PRELP: variants seen among roughly 807,000 people sequenced by gnomAD.
PRELP encodes the protein prolargin.
In PRELP, 16 loss-of-function variants were observed where a neutral mutation model predicts 22.8. That is an observed-to-expected ratio of 0.70 (90% CI 0.47 to 1.06). The LOEUF (loss-of-function observed/expected upper bound fraction) is 1.06. Among genes scored for constraint, PRELP ranks in the 50% least tolerant of loss-of-function variants. The pLI, the probability that PRELP is intolerant of heterozygous loss-of-function variation, is 0.00. For synonymous variants in PRELP, 233 were observed against 211.4 expected (o/e 1.10, Z -0.89); for missense variants, 434 against 485.2 (o/e 0.89, Z 0.99).
chr1:203,485,111 G>A (rs762216463), intron 2 of PRELP, among the ~76,000 whole-genome samples: 10 of 151,128 alleles, frequency 6.6e-5, no homozygotes, highest in Admixed American at 3.3e-4. Flanking sequence ...CGAATAGATC[G>A]TTCACTCATT....
chr1:203,486,732 A>C lies in PRELP; in HGVS notation c.1000A>C (p.Asn334His). The change falls in exon 3 of 3, where the codon AAC (asparagine) becomes CAC (histidine). Residue 334 changes from asparagine to histidine, a missense_variant. Asn to His is a moderately conservative substitution (Grantham distance 68). Coordinates refer to ENST00000343110, the MANE Select transcript of PRELP (RefSeq NM_002725.4). ...AATCAACGGAACCCAGATTTGCCCC[A>C]ACGACCTAGTGGCGTTCCATGACTT... ...EKINGTQICP[N>H]DLVAFHDFSS... 6.2e-7 allele frequency: 1 copy of C among 1,612,934 alleles called. No individual in the cohort carries two copies. Among genetic ancestry groups the C allele is most frequent in the Non-Finnish European group, 8.5e-7 (1 of 1,179,020 alleles).
chr1:203,477,736 G>A (rs890284464), intron 1 of PRELP, among the ~76,000 whole-genome samples: 1 of 152,080 alleles, frequency 6.6e-6, no homozygotes, highest in African/African-American at 2.4e-5. Flanking sequence ...AAAAAGCTGG[G>A]AGAAGTCAAG....
At chr1:203,484,284 T>A in intron 2 of PRELP, 127 bp downstream of exon 2, 1 of 1,384,440 alleles carries the variant, frequency 7.2e-7, no homozygotes, top group Non-Finnish European at 9.6e-7. Flanking sequence ...GGACTTCAAT[T>A]CATGGCCTTG....
chr1:203,483,472 G>A lies in PRELP; in HGVS notation c.288G>A (p.Lys96=). 6.2e-7 allele frequency: 1 copy of A among 1,614,214 alleles called. No homozygotes were observed. The highest frequency in any genetic ancestry group is 2.2e-5 in the East Asian group (1 of 44,874). ...ACTGTGATAGCCGCAACCTGCGAAA[G>A]GTCCCTGTCATCCCGCCCCGCATCC... ...ALYCDSRNLR[K]VPVIPPRIHY... is the part of the protein sequence containing the mutation. Residue 96 remains lysine (K), a synonymous_variant, in exon 2 of 3, where the codon AAG becomes AAA. Coordinates refer to ENST00000343110, the MANE Select transcript of PRELP (RefSeq NM_002725.4). The surrounding 1 kb of genome is among the most constrained non-coding windows in gnomAD (Gnocchi z 4.4).
chr1:203,486,071 T>C (rs773725981), intron 2 of PRELP, among the ~76,000 whole-genome samples: 1 of 152,206 alleles, frequency 6.6e-6, no homozygotes, highest in South Asian at 2.1e-4. Context: ...GATCTCACCT[T>C]ACTCCATTGC....
At chr1:203,481,577 C>G (rs1183547032) in intron 1 of PRELP, among the ~76,000 whole-genome samples, 1 of 152,236 alleles carries the variant, frequency 6.6e-6, no homozygotes, top group East Asian at 1.9e-4. Flanking sequence ...CCTTCCAGAC[C>G]TCCTTGGAGA....
In PRELP at chr1:203,490,776, GCTCCTAC is replaced by G. The variant is rs1661178111; in HGVS notation, c.*3898_*3904del. 2 of 152,196 alleles carry G rather than the reference GCTCCTAC, an allele frequency of 1.3e-5. No homozygotes were observed. The highest frequency in any genetic ancestry group is 2.9e-5 in the Non-Finnish European group (2 of 68,046). 9.4% of individuals were successfully genotyped at this position (152,196 alleles called of 1,614,324 possible). A position where few individuals can be genotyped will look rare whatever the true frequency, so the allele number is the denominator to read the frequency against. The stretch of plus-strand genomic sequence containing the variant: ...AGAACTGCCAGGTGACGCCCTCGCT[GCTCCTAC>G]CTGGCTACTAAACATCGACTTCGGT... On this transcript the variant is annotated 3_prime_UTR_variant, in exon 3 of 3. Coordinates refer to ENST00000343110, the MANE Select transcript of PRELP (RefSeq NM_002725.4).
chr1:203,481,590 C>T (rs531154222), intron 1 of PRELP, among the ~76,000 whole-genome samples: 1 of 152,342 alleles, frequency 6.6e-6, no homozygotes, highest in East Asian at 1.9e-4. Flanking sequence ...CTTGGAGAGG[C>T]CTGCCTTGGA....
At chr1:203,481,506 G>C (rs977171438) in intron 1 of PRELP, among the ~76,000 whole-genome samples, 2 of 152,186 alleles carry the variant, frequency 1.3e-5, no homozygotes, top group Middle Eastern at 3.4e-3. Flanking sequence ...TATCCTTAAC[G>C]GGAGATCAAG....
intron 1 of PRELP, among the ~76,000 whole-genome samples, chr1:203,479,706 CAAAAAAAAAAAAAAA>C (rs397844598): frequency 9.5e-5 from 5 of 52,490 alleles, no homozygotes; most frequent in Admixed American, 9.0e-4. Context: ...CCTGTATCAC[CAAAAAAAAAAAAAAA>C]AAAAAAAAAA....
chr1:203,483,022 C>G lies in PRELP; in HGVS notation c.-16-147C>G. The G allele has an allele frequency of 1.5e-6, 1 of 686,344 alleles. No homozygotes were observed. The highest frequency in any genetic ancestry group is 2.5e-6 in the Non-Finnish European group (1 of 403,618). 42.5% of individuals were successfully genotyped at this position (686,344 alleles called of 1,614,324 possible). On this transcript the variant is annotated intron_variant, in intron 1 of 2. Coordinates refer to ENST00000343110, the MANE Select transcript of PRELP (RefSeq NM_002725.4). The surrounding 1 kb of genome is among the most constrained non-coding windows in gnomAD (Gnocchi z 4.4). The stretch of plus-strand genomic sequence containing the variant: ...TTGTTATTCCCTTACCTGCTGGGTA[C>G]AGGCAAACAAGGAGATGCTTCCACA...
intron 1 of PRELP, among the ~76,000 whole-genome samples, chr1:203,479,561 G>A (rs1317708388): frequency 6.6e-6 from 1 of 151,872 alleles, no homozygotes; most frequent in Non-Finnish European, 1.5e-5. Flanking sequence ...AAATTAGCCA[G>A]CTGTGGTAGC....
At position 203,486,973 on chromosome 1, in the gene PRELP, C is replaced by T. The variant is rs1331010843; in HGVS notation, c.*92C>T. On this transcript the variant is annotated 3_prime_UTR_variant, in exon 3 of 3. Coordinates refer to ENST00000343110, the MANE Select transcript of PRELP (RefSeq NM_002725.4). ...CCATTCGTTTTCTCTCTCTCCCTTT[C>T]TTTCTCCCAGCTTTGCCTCCCTTAT... is the stretch of plus-strand genomic sequence containing the variant. 1.5e-6 allele frequency: 2 copies of T among 1,356,718 alleles called. No homozygotes were observed. Among genetic ancestry groups the T allele is most frequent in the Non-Finnish European group, 2.0e-6 (2 of 1,011,228 alleles). The allele number at this position is 1,356,718 out of a possible 1,614,324, so 84.0% of individuals were successfully genotyped here.
chr1:203,483,998 C>A lies in PRELP; in HGVS notation c.814C>A (p.Arg272=). The stretch of plus-strand genomic sequence containing the variant: ...GAGCTTTCCCAATCTTGCCTTCATT[C>A]GGCTTAACTACAACAAGCTGACAGA... ...FKSFPNLAFI[R]LNYNKLTDRG... The change falls in exon 2 of 3, where the codon CGG becomes AGG. Residue 272 remains arginine, a synonymous_variant. Transcript: ENST00000343110. The surrounding 1 kb of genome is among the most constrained non-coding windows in gnomAD (Gnocchi z 4.4). 6.2e-7 allele frequency: 1 copy of A among 1,614,220 alleles called. No homozygotes were observed. The highest frequency in any genetic ancestry group is 8.5e-7 in the Non-Finnish European group (1 of 1,180,048).
intron 1 of PRELP, among the ~76,000 whole-genome samples, chr1:203,479,977 C>T (rs1268296121): frequency 6.6e-6 from 1 of 152,058 alleles, no homozygotes; most frequent in Non-Finnish European, 1.5e-5. Context: ...CAGTGGCTCA[C>T]ACCTGTAATC....
rs200162107 is a variant in PRELP, at chr1:203,486,796, T to C, written c.1064T>C (p.Leu355Pro). 2 of 1,614,188 alleles carry C rather than the reference T, an allele frequency of 1.2e-6. No homozygotes were observed. The highest frequency in any genetic ancestry group is 1.7e-6 in the Non-Finnish European group (2 of 1,180,014). ...GAGAACGTGCCACACCTGCGCTACC[T>C]GCGGCTGGATGGAAACTACTTGAAG... The part of the protein sequence containing the change: ...DLENVPHLRY[L>P]RLDGNYLKPP... The change falls in exon 3 of 3, where the codon CTG becomes CCG. Residue 355 changes from leucine to proline, a missense_variant. Coordinates refer to ENST00000343110, the MANE Select transcript of PRELP (RefSeq NM_002725.4).
intron 1 of PRELP, among the ~76,000 whole-genome samples, chr1:203,478,185 A>G (rs1660944102): frequency 6.6e-6 from 1 of 152,220 alleles, no homozygotes; most frequent in Admixed American, 6.5e-5. Context: ...TAGAGCAGAA[A>G]AGCAATTGCT....
intron 1 of PRELP, among the ~76,000 whole-genome samples, chr1:203,479,595 C>T (rs552186364): frequency 1.3e-5 from 2 of 150,734 alleles, no homozygotes; most frequent in Non-Finnish European, 2.9e-5. Context: ...ACTAGCTGCT[C>T]AGGACGCTGA....
intron 1 of PRELP, among the ~76,000 whole-genome samples, chr1:203,477,238 A>C (rs1389467894): frequency 1.3e-5 from 2 of 152,178 alleles, no homozygotes; most frequent in Non-Finnish European, 2.9e-5. Context: ...CTGATGGTCC[A>C]CCAGGGCTCG....
Sources: gnomAD v4.1 joint callset for allele counts (sites outside exome capture counted in the v4.1 genomes callset) on GRCh38, gnomAD v4.1.1 for gene constraint, Gnocchi (gnomAD v3.1) non-coding constraint, MANE v1.5 for transcripts, NCBI Gene and HGNC (gene_info 2026-07-23, HGNC 2026-07-21) for gene names.